Variants in ROBO2 observed in about 807,000 individuals in gnomAD.
The protein encoded by ROBO2 is roundabout homolog 2.
ROBO2 carries 53 observed loss-of-function variants against 160.8 expected under a neutral mutation model. The ratio of observed to expected loss-of-function variants is 0.33; its 90% CI spans 0.26 to 0.41. The LOEUF (loss-of-function observed/expected upper bound fraction) is 0.41. ROBO2 is among the 10% of genes least tolerant of loss of function. ROBO2 has a pLI of 1.00. For missense variants in ROBO2, 1,577 were observed against 1,722.4 expected, an observed-to-expected ratio of 0.92 and a Z score of 1.49; for synonymous variants, 664 against 611.7, an observed-to-expected ratio of 1.09 and a Z score of -1.26.
chr3:77,304,587 C>G (rs1303948895), intron 2 of ROBO2, among the ~76,000 whole-genome samples: 2 of 152,178 alleles, frequency 1.3e-5, no homozygotes, highest in Admixed American at 1.3e-4. Flanking sequence ...ATTATACTAT[C>G]AAGAGGGAAG....
At chr3:77,015,137 A>T (rs561867495) in intron 2 of ROBO2, among the ~76,000 whole-genome samples, 1 of 152,326 alleles carries the variant, frequency 6.6e-6, no homozygotes, top group East Asian at 1.9e-4. Flanking sequence ...AATGCGACTC[A>T]TCATAAGAGC....
chr3:77,562,477 T>C (rs1433806619), intron 9 of ROBO2, among the ~76,000 whole-genome samples, 174 bp from the exon 11 acceptor site: 1 of 152,146 alleles, frequency 6.6e-6, no homozygotes, highest in Non-Finnish European at 1.5e-5. Context: ...TGAATAATAT[T>C]ATATGAGTTT....
At chr3:76,888,715 C>G (rs73128917) in intron 2 of ROBO2, among the ~76,000 whole-genome samples, 1 of 152,040 alleles carries the variant, frequency 6.6e-6, no homozygotes, top group Non-Finnish European at 1.5e-5. Context: ...AAAAATGCCT[C>G]GGATTATCTC....
intron 2 of ROBO2, among the ~76,000 whole-genome samples, chr3:77,476,918 T>A (rs1560945521): frequency 6.6e-6 from 1 of 152,122 alleles, no homozygotes; most frequent in Non-Finnish European, 1.5e-5. Context: ...TGAAGTGTAA[T>A]GAAAACAGTG....
chr3:77,415,306 G>A (rs2077124404), intron 2 of ROBO2, among the ~76,000 whole-genome samples: 1 of 152,170 alleles, frequency 6.6e-6, no homozygotes, highest in Non-Finnish European at 1.5e-5. Context: ...CATATTGAAT[G>A]AATAATTGTT....
intron 8 of ROBO2, among the ~76,000 whole-genome samples, chr3:77,556,715 A>G (rs2093135697): frequency 6.6e-6 from 1 of 151,924 alleles, no homozygotes; most frequent in Non-Finnish European, 1.5e-5. Flanking sequence ...GTTTTTTGAG[A>G]AACAACAGTT....
intron 2 of ROBO2, among the ~76,000 whole-genome samples, chr3:76,104,180 T>A (rs1407536951): frequency 1.3e-5 from 2 of 152,194 alleles, no homozygotes; most frequent in Admixed American, 6.5e-5. Flanking sequence ...TTTAAAAAGA[T>A]AACATTTAAT....
At chr3:76,429,362 G>A (rs1169266847) in intron 2 of ROBO2, among the ~76,000 whole-genome samples, 1 of 152,160 alleles carries the variant, frequency 6.6e-6, no homozygotes, top group African/African-American at 2.4e-5. Flanking sequence ...AAAACCCATT[G>A]TTAGGGTTGT....
At chr3:76,567,202 A>T (rs190414466) in intron 2 of ROBO2, among the ~76,000 whole-genome samples, 1 of 152,300 alleles carries the variant, frequency 6.6e-6, no homozygotes, top group East Asian at 1.9e-4. Context: ...AATAACCTTG[A>T]AGAAACAGCC....
intron 2 of ROBO2, among the ~76,000 whole-genome samples, chr3:76,914,772 T>A (rs566994470): frequency 6.9e-4 from 105 of 152,266 alleles, no homozygotes; most frequent in Non-Finnish European, 1.3e-3. Context: ...GTGAACTTCT[T>A]CGATTTGGTT....
At chr3:76,558,864 G>A (rs1300656240) in intron 2 of ROBO2, among the ~76,000 whole-genome samples, 1 of 152,158 alleles carries the variant, frequency 6.6e-6, no homozygotes, top group Non-Finnish European at 1.5e-5. Context: ...ATAATGTGAA[G>A]AGTCTGCTTA....
chr3:76,020,258 C>G (rs1440906649), intron 2 of ROBO2, among the ~76,000 whole-genome samples: 4 of 151,666 alleles, frequency 2.6e-5, no homozygotes, highest in South Asian at 2.1e-4. Flanking sequence ...TCAGTTTTCC[C>G]ATGCTTTTAT....
chr3:76,197,443 G>A (rs150046224), intron 2 of ROBO2, among the ~76,000 whole-genome samples: 2 of 151,208 alleles, frequency 1.3e-5, no homozygotes, highest in East Asian at 2.0e-4. Context: ...TCTCCTTTTG[G>A]GGAGTGATAA....
chr3:77,405,314 C>A (rs1018718860), intron 2 of ROBO2, among the ~76,000 whole-genome samples: 5 of 151,994 alleles, frequency 3.3e-5, no homozygotes, highest in African/African-American at 2.4e-5. Flanking sequence ...AGAGAATATT[C>A]TTCTCTGTAA....
At chr3:77,068,293 C>G (rs917294509) in intron 1 of ROBO2, among the ~76,000 whole-genome samples, 5 of 151,964 alleles carry the variant, frequency 3.3e-5, no homozygotes, top group Non-Finnish European at 7.4e-5. Context: ...AGCTTTATGT[C>G]TTATGTGTTT....
rs571421687 is a variant in ROBO2 at position 77,128,608 on chromosome 3, A to G, written c.388+30268A>G. Among the ~76,000 whole-genome samples the G allele has an allele frequency of 1.4e-4, 22 of 152,292 alleles. No individual in the cohort carries two copies. In the South Asian group the frequency reaches 4.1e-3, roughly 29 times the overall value. On this transcript the variant is annotated intron_variant, in intron 2 of 25. Transcript: ENST00000461745. Reference sequence around the variant, plus strand: ...TAGTCCATCTATTTTGCTTTCTTGTATGAATTACATAAATATTTTCCCATA... The same window carrying G: ...TAGTCCATCTATTTTGCTTTCTTGTGTGAATTACATAAATATTTTCCCATA...
At chr3:77,142,103 C>T (rs1310953100) in intron 2 of ROBO2, among the ~76,000 whole-genome samples, 2 of 152,176 alleles carry the variant, frequency 1.3e-5, no homozygotes, top group Non-Finnish European at 2.9e-5. Context: ...CTCTCTCTCT[C>T]TTTCCTTCCA....
intron 2 of ROBO2, among the ~76,000 whole-genome samples, chr3:77,389,160 T>C (rs1437086553): frequency 6.6e-6 from 1 of 152,164 alleles, no homozygotes; most frequent in African/African-American, 2.4e-5. Flanking sequence ...GTCATGCTGG[T>C]CTTGAACTCC....
intron 2 of ROBO2, among the ~76,000 whole-genome samples, chr3:76,366,891 T>C (rs1232456457): frequency 1.3e-5 from 2 of 151,976 alleles, no homozygotes; most frequent in Admixed American, 1.3e-4. Context: ...ATTTTTTCAT[T>C]GCATTCCAAG....
Sources: gnomAD v4.1 joint callset for allele counts (sites outside exome capture counted in the v4.1 genomes callset) on GRCh38, gnomAD v4.1.1 for gene constraint, MANE v1.5 for transcripts, NCBI Gene and HGNC (gene_info 2026-07-23, HGNC 2026-07-21) for gene names.